The following KRT8 variants were observed in gnomAD, a reference collection of about 807,000 sequenced individuals.
The protein encoded by KRT8 is keratin, type II cytoskeletal 8.
A neutral mutation model predicts 43.0 loss-of-function variants in KRT8; 24 were observed. The observed-to-expected ratio is 0.56, with a 90% CI of 0.40 to 0.78. The LOEUF is 0.78. KRT8 is among the 30% of genes least tolerant of loss of function. The probability of loss-of-function intolerance (pLI) is 0.00; values close to 1 mark genes in which losing one functional copy is unlikely to be tolerated. For synonymous variants in KRT8, 214 were observed against 261.2 expected, an observed-to-expected ratio of 0.82 and a Z score of 1.74; for missense variants, 492 against 638.4, an observed-to-expected ratio of 0.77 and a Z score of 2.47.
intron 1 of KRT8, among the ~76,000 whole-genome samples, chr12:52,903,874 C>G (rs1941441110): frequency 7.6e-6 from 1 of 132,008 alleles, no homozygotes; most frequent in Non-Finnish European, 1.7e-5. Context: ...CCCACCCCAC[C>G]CCACCCCACC....
upstream of KRT8, chr12:52,906,517 G>A (rs531013035): frequency 1.9e-4 from 68 of 359,692 alleles, no homozygotes; most frequent in East Asian, 5.3e-4. Context: ...GACGTAGCAC[G>A]CACCTGTGGG....
intron 2 of KRT8, among the ~76,000 whole-genome samples, chr12:52,943,924 C>A (rs1942304998): frequency 1.3e-5 from 2 of 152,202 alleles, no homozygotes; most frequent in South Asian, 2.1e-4. Context: ...TTTCACCCCC[C>A]TTTTCAAAGA....
chr12:52,916,435 A>G (rs1278696611), intron 2 of KRT8, among the ~76,000 whole-genome samples: 2 of 152,162 alleles, frequency 1.3e-5, no homozygotes, highest in Non-Finnish European at 2.9e-5. Flanking sequence ...GAACCCTAGC[A>G]CCTTCTGTTC....
At chr12:52,918,212 A>AAGAAGAAGAAGAAGAAGG (rs1941809849) in intron 2 of KRT8, among the ~76,000 whole-genome samples, 1 of 132,796 alleles carries the variant, frequency 7.5e-6, no homozygotes, top group Non-Finnish European at 1.7e-5. Flanking sequence ...GAACAAGAAG[A>AAGAAGAAGAAGAAGAAGG]AGAAGAAGAA....
chr12:52,901,736 G>T (rs1448378269), intron 2 of KRT8, 128 bp downstream of exon 2: 2 of 735,462 alleles, frequency 2.7e-6, no homozygotes, highest in East Asian at 2.6e-5. Flanking sequence ...AACCTCATCA[G>T]GTGGTCACCC....
At chr12:52,911,403 A>G (rs547872514), upstream of KRT8, among the ~76,000 whole-genome samples, 1 of 152,258 alleles carries the variant, frequency 6.6e-6, no homozygotes, top group South Asian at 2.1e-4. Flanking sequence ...AAATCAGCAT[A>G]TTGATGGCTG....
intron 2 of KRT8, chr12:52,926,332 G>GCCCACCCCCCC: frequency 1.7e-6 from 1 of 600,264 alleles, no homozygotes; most frequent in Non-Finnish European, 3.0e-6. Context: ...GGCACTAGCT[G>GCCCACCCCCCC]CCCTCCCCAC....
rs527378472 is a variant in KRT8, at chr12:52,898,430, C to T, written c.1261+31G>A. ...TGAGGCCTCCCTGGGCCCTGCCTCCCGCCCTCATCCCAGGGCCCTGGGACA... is the reference window on the plus strand; with the variant it reads ...TGAGGCCTCCCTGGGCCCTGCCTCCTGCCCTCATCCCAGGGCCCTGGGACA... On this transcript the variant is annotated intron_variant, in intron 7 of 7. Transcript: ENST00000692008. 475 of 1,600,458 alleles carry T rather than the reference C, an allele frequency of 3.0e-4. 6 individuals carry two copies. In the South Asian group the frequency reaches 4.5e-3, roughly 15 times the overall value.
At chr12:52,900,744 C>T in intron 3 of KRT8, 61 bp from the exon 4 acceptor site, 2 of 1,155,882 alleles carry the variant, frequency 1.7e-6, no homozygotes, top group East Asian at 2.3e-5. Flanking sequence ...AACCAAGGGG[C>T]TCCCAAGGTC....
At chr12:52,919,838 G>A (rs1185713143) in intron 2 of KRT8, among the ~76,000 whole-genome samples, 1 of 152,026 alleles carries the variant, frequency 6.6e-6, no homozygotes, top group Admixed American at 6.6e-5. Flanking sequence ...TAGTGAGACA[G>A]GGTTTCACCA....
rs527247989 is a variant in KRT8, at chr12:52,932,544, G to T, written c.-47+16912C>A. ...ACTTTTATTCAACATTGTACTGAAC[G>T]TGCTAGCCAGTGCAATAAGTCAGGA... On this transcript the variant is annotated intron_variant, in intron 2 of 6. Transcript: ENST00000546826. Among the ~76,000 whole-genome samples, 4 of 151,964 alleles carry T rather than the reference G, an allele frequency of 2.6e-5. No individual in the cohort carries two copies. The South Asian group carries it at 8.3e-4, about 32-fold the overall frequency.
intron 2 of KRT8, among the ~76,000 whole-genome samples, chr12:52,942,355 T>C (rs1363531438): frequency 6.6e-6 from 1 of 152,206 alleles, no homozygotes; most frequent in Admixed American, 6.5e-5. Context: ...CAAGCAGAGC[T>C]GGGATTCAAA....
chr12:52,918,922 T>C (rs1160992733), intron 2 of KRT8, among the ~76,000 whole-genome samples: 2 of 152,126 alleles, frequency 1.3e-5, no homozygotes, highest in African/African-American at 4.8e-5. Context: ...ATAACCTCCT[T>C]GCAGAACAGA....
intron 2 of KRT8, among the ~76,000 whole-genome samples, chr12:52,922,587 C>T (rs1941911162): frequency 6.6e-6 from 1 of 152,174 alleles, no homozygotes; most frequent in Non-Finnish European, 1.5e-5. Context: ...GCAGGAGAAT[C>T]GCTTGAACCC....
exon 1 of KRT8, chr12:52,904,828 C>T (rs1481688006): frequency 6.2e-7 from 1 of 1,612,452 alleles, no homozygotes; most frequent in South Asian, 1.1e-5. Context: ...CCATAGCCGC[C>T]GCCCAGGCCA....
At chr12:52,908,978 C>G (rs1049609342), upstream of KRT8, among the ~76,000 whole-genome samples, 4 of 152,102 alleles carry the variant, frequency 2.6e-5, no homozygotes, top group African/African-American at 9.7e-5. Context: ...CCACTGCACT[C>G]TAGCCTGCGT....
intron 2 of KRT8, among the ~76,000 whole-genome samples, chr12:52,916,504 A>G (rs1186433192): frequency 2.6e-5 from 4 of 152,136 alleles, no homozygotes; most frequent in African/African-American, 9.7e-5. Flanking sequence ...GTGTCATCCA[A>G]TCAGTTTTAG....
chr12:52,910,297 C>T (rs1398147367), upstream of KRT8, among the ~76,000 whole-genome samples: 1 of 152,236 alleles, frequency 6.6e-6, no homozygotes, highest in Non-Finnish European at 1.5e-5. Flanking sequence ...AAAGCTTCCT[C>T]GGTACAGCCA....
In KRT8 at chr12:52,941,478, C is replaced by CTTTTTTTTT. The variant is rs774607187; in HGVS notation, c.-47+7969_-47+7977dup. ...CGGGCTCCTCTAGCAAGTTTTTGCT[C>CTTTTTTTTT]TTTTTTTTTTTTTTTTTTTTTTTTT... On this transcript the variant is annotated intron_variant, in intron 2 of 6. Coordinates refer to the KRT8 transcript ENST00000546826. 2.3e-4 allele frequency among the ~76,000 whole-genome samples: 17 copies of CTTTTTTTTT among 72,576 alleles called. 2 individuals are homozygous for CTTTTTTTTT. The highest frequency in any genetic ancestry group is 9.1e-4 in the African/African-American group (15 of 16,476). 47.6% of individuals were successfully genotyped at this position (72,576 alleles called of 152,430 possible). A position where few individuals can be genotyped will look rare whatever the true frequency, so the allele number is the denominator to read the frequency against.
Sources: gnomAD v4.1 joint callset for allele counts (sites outside exome capture counted in the v4.1 genomes callset) on GRCh38, gnomAD v4.1.1 for gene constraint, MANE v1.5 for transcripts, NCBI Gene and HGNC (gene_info 2026-07-23, HGNC 2026-07-21) for gene names.